AR: variants seen among roughly 807,000 people sequenced by gnomAD.
The protein encoded by AR is dihydrotestosterone receptor.
Under a neutral mutation model 53.9 loss-of-function variants are expected in AR, and 8 were observed. The observed-to-expected ratio is 0.15, with a 90% confidence interval of 0.09 to 0.27. The LOEUF is 0.27. AR is among the 10% of genes least tolerant of loss of function. The pLI, the probability that AR is intolerant of heterozygous loss-of-function variation, is 1.00. For synonymous variants in AR, 359 were observed against 316.4 expected (o/e 1.13, Z -1.43); for missense variants, 639 against 742.5 (o/e 0.86, Z 1.62).
At chrX:67,562,962 T>C (rs939289332) in intron 1 of AR, among the ~76,000 whole-genome samples, 3 of 112,161 alleles carry the variant, frequency 2.7e-5, no homozygotes, top group Non-Finnish European at 3.8e-5. Context: ...CACCACACCA[T>C]ATCTGTCTAT....
intron 1 of AR, among the ~76,000 whole-genome samples, chrX:67,628,452 G>T (rs1159221523): frequency 9.3e-6 from 1 of 107,177 alleles, no homozygotes; most frequent in Admixed American, 1.0e-4. Flanking sequence ...TGTTATTGGT[G>T]TATAAGAATG....
intron 4 of AR, among the ~76,000 whole-genome samples, chrX:67,716,097 CT>C (rs2076112057): frequency 9.0e-6 from 1 of 111,622 alleles, no homozygotes; most frequent in Non-Finnish European, 1.9e-5. Context: ...AATTGAGGGT[CT>C]TTAGGCCATT....
chrX:67,652,915 A>G (rs919125772), intron 2 of AR, among the ~76,000 whole-genome samples: 2 of 112,081 alleles, frequency 1.8e-5, no homozygotes, highest in Admixed American at 9.5e-5. Context: ...AAACTTTTTT[A>G]GGGAGCATAT....
At chrX:67,631,992 C>T (rs1171982972) in intron 1 of AR, among the ~76,000 whole-genome samples, 1 of 113,291 alleles carries the variant, frequency 8.8e-6, no homozygotes, top group Non-Finnish European at 1.9e-5. Flanking sequence ...GGCAGTCTGC[C>T]CATTCTCAGA....
chrX:67,684,495 A>T (rs868053290), intron 2 of AR, among the ~76,000 whole-genome samples: 39 of 110,701 alleles, frequency 3.5e-4, no homozygotes, highest in African/African-American at 1.1e-3. Context: ...CAGGTAAGTC[A>T]CTTCCCTGGA....
Position 67,729,766 on chromosome X carries a change from A to G in AR, c.*5925A>G, listed in dbSNP as rs2076172355. On this transcript the variant is annotated 3_prime_UTR_variant, in exon 8 of 8. Coordinates refer to ENST00000374690, the MANE Select transcript of AR (RefSeq NM_000044.6). ...CATATCCATACACCAAAGGAAAGAC[A>G]ATTCTGAAATGCTGTTTCTCTGGTG... The G allele has an allele frequency of 5.8e-6, 1 of 171,975 alleles. No homozygotes were observed. Among genetic ancestry groups the G allele is most frequent in the Admixed American group, 8.0e-5 (1 of 12,509 alleles). 14.2% of individuals were successfully genotyped at this position (171,975 alleles called of 1,213,427 possible). A position where few individuals can be genotyped will look rare whatever the true frequency, so the allele number is the denominator to read the frequency against.
At chrX:67,599,957 G>A (rs897325430) in intron 1 of AR, among the ~76,000 whole-genome samples, 2 of 111,490 alleles carry the variant, frequency 1.8e-5, no homozygotes, top group Non-Finnish European at 3.8e-5. Context: ...GTTGGTATAT[G>A]CAAATGTGCA....
intron 2 of AR, among the ~76,000 whole-genome samples, chrX:67,660,824 T>C (rs1184686250): frequency 8.9e-6 from 1 of 111,821 alleles, no homozygotes; most frequent in African/African-American, 3.3e-5. Flanking sequence ...ATTTTCACAA[T>C]ATTGATTCTT....
chrX:67,545,623 T>G lies in AR; in HGVS notation c.477T>G (p.Ala159=). Residue 159 remains alanine, a synonymous_variant, in exon 1 of 8, where the codon GCT becomes GCG. Coordinates refer to ENST00000374690, the MANE Select transcript of AR (RefSeq NM_000044.6). The part of the protein sequence containing the change: ...LPAPPDEDDS[A]APSTLSLLGP... ...CACCTCCGGACGAGGATGACTCAGC[T>G]GCCCCATCCACGTTGTCCCTGCTGG... 8.4e-7 allele frequency: 1 copy of G among 1,191,986 alleles called. No homozygotes were observed. The highest frequency in any genetic ancestry group is 1.1e-6 in the Non-Finnish European group (1 of 885,436).
intron 1 of AR, among the ~76,000 whole-genome samples, chrX:67,555,992 A>G (rs1011583608): frequency 8.9e-6 from 1 of 112,337 alleles, no homozygotes; most frequent in African/African-American, 3.2e-5. Context: ...TAATATTTTG[A>G]CTTTTTAATA....
chrX:67,620,126 A>T (rs191385235), intron 1 of AR, among the ~76,000 whole-genome samples: 29 of 110,983 alleles, frequency 2.6e-4, no homozygotes, highest in Middle Eastern at 9.3e-3. Context: ...GTCTGCTTAC[A>T]TGATGCTATC....
chrX:67,708,998 G>T (rs950373946), intron 3 of AR, among the ~76,000 whole-genome samples: 1 of 111,677 alleles, frequency 9.0e-6, no homozygotes, highest in Non-Finnish European at 1.9e-5. Flanking sequence ...CATTCTTCTG[G>T]AAGTTTCGTC....
At position 67,544,608 on chromosome X, in the gene AR, C is replaced by T. The variant is rs1045360955; in HGVS notation, c.-539C>T. 4 of 168,727 alleles carry T rather than the reference C, an allele frequency of 2.4e-5. No homozygotes were observed. The highest frequency in any genetic ancestry group is 1.2e-4 in the African/African-American group (4 of 32,302). The allele number at this position is 168,727 out of a possible 1,213,427, so 13.9% of individuals were successfully genotyped here. On this transcript the variant is annotated 5_prime_UTR_variant, in exon 1 of 8. Transcript: ENST00000374690. ...CTTCAGCACTGCAGCCACGACCCGC[C>T]TGGTTAGGCTGCACGCGGAGAGAAC... is the stretch of plus-strand genomic sequence containing the variant.
chrX:67,659,759 T>C (rs767407096), intron 2 of AR, among the ~76,000 whole-genome samples: 2 of 111,515 alleles, frequency 1.8e-5, no homozygotes, highest in East Asian at 2.8e-4. Context: ...GGTCAAATGG[T>C]ATTTCTAGTT....
intron 2 of AR, chrX:67,681,089 T>C (rs1034671515): frequency 6.6e-5 from 9 of 135,692 alleles, no homozygotes; most frequent in Non-Finnish European, 1.3e-4. Flanking sequence ...AGTGTGGCCT[T>C]ACCTACTTCA....
intron 3 of AR, among the ~76,000 whole-genome samples, chrX:67,688,811 G>A (rs1197263819): frequency 1.8e-5 from 2 of 111,370 alleles, no homozygotes; most frequent in African/African-American, 6.5e-5. Context: ...CAAGTTTATT[G>A]TTAACTTACA....
rs770200851 is a variant in AR, at chrX:67,729,884, G to A, written c.*6043G>A. ...GCATTATCTCACAACCTTAGCCCTT[G>A]GTGCTAACTGTCCTACAGTGAAGTG... On this transcript the variant is annotated 3_prime_UTR_variant, in exon 8 of 8. Coordinates refer to ENST00000374690, the MANE Select transcript of AR (RefSeq NM_000044.6). 5.8e-6 allele frequency: 1 copy of A among 171,489 alleles called. No individual in the cohort carries two copies. The highest frequency in any genetic ancestry group is 3.3e-4 in the South Asian group (1 of 3,055). The allele number at this position is 171,489 out of a possible 1,213,427, so 14.1% of individuals were successfully genotyped here.
intron 1 of AR, among the ~76,000 whole-genome samples, chrX:67,548,487 G>T (rs781444406): frequency 1.8e-5 from 2 of 110,811 alleles, no homozygotes; most frequent in African/African-American, 6.6e-5. Flanking sequence ...GTCACTAGAC[G>T]GTGGAGCCCC....
At chrX:67,698,240 C>T (rs2076028927) in intron 3 of AR, among the ~76,000 whole-genome samples, 1 of 112,220 alleles carries the variant, frequency 8.9e-6, no homozygotes, top group Non-Finnish European at 1.9e-5. Context: ...TCCAGTATTC[C>T]TCTGACCTTC....
Sources: gnomAD v4.1 joint callset for allele counts (sites outside exome capture counted in the v4.1 genomes callset) on GRCh38, gnomAD v4.1.1 for gene constraint, MANE v1.5 for transcripts, NCBI Gene and HGNC (gene_info 2026-07-23, HGNC 2026-07-21) for gene names.